The following SLC7A6 variants were observed in gnomAD, a reference collection of about 807,000 sequenced individuals.
SLC7A6 encodes the protein Y+L amino acid transporter 2.
In SLC7A6, 29 loss-of-function variants were observed where a neutral mutation model predicts 46.6. The observed-to-expected ratio is 0.62, with a 90% CI of 0.46 to 0.85. The LOEUF (loss-of-function observed/expected upper bound fraction) is 0.85. Among genes scored for constraint, SLC7A6 ranks in the 40% least tolerant of loss-of-function variants. The pLI is 0.00. For synonymous variants in SLC7A6, 276 were observed against 257.3 expected, an observed-to-expected ratio of 1.07 and a Z score of -0.70; for missense variants, 527 against 647.6, an observed-to-expected ratio of 0.81 and a Z score of 2.02.
chr16:68,276,006 G>A (rs1468513239), intron 3 of SLC7A6, among the ~76,000 whole-genome samples: 1 of 152,204 alleles, frequency 6.6e-6, no homozygotes, highest in Non-Finnish European at 1.5e-5. Context: ...AAAGTCATCA[G>A]TGAGAAAGTA....
At chr16:68,278,071 C>G (rs2042748906) in intron 3 of SLC7A6, among the ~76,000 whole-genome samples, 1 of 152,128 alleles carries the variant, frequency 6.6e-6, no homozygotes, top group Admixed American at 6.5e-5. Flanking sequence ...ATTCTCCTGC[C>G]TCAGCCTCCC....
chr16:68,290,373 C>T (rs766462848), intron 4 of SLC7A6, 23 bp from the exon 5 acceptor site: 3 of 1,613,576 alleles, frequency 1.9e-6, no homozygotes, highest in Non-Finnish European at 2.5e-6. Context: ...CTCTGAACCC[C>T]TCACCTGCCT....
At chr16:68,290,227 CCTT>C (rs1016074673) in intron 4 of SLC7A6, 166 bp from the exon 5 acceptor site, 8 of 630,934 alleles carry the variant, frequency 1.3e-5, no homozygotes, top group South Asian at 5.1e-5. Flanking sequence ...CTTTCCCCTG[CCTT>C]CTTGTTTTTT....
In SLC7A6 at chr16:68,297,557, G is replaced by T; in HGVS notation, c.*229G>T. On this transcript the variant is annotated 3_prime_UTR_variant, in exon 11 of 11. Transcript: ENST00000219343. The stretch of plus-strand genomic sequence containing the variant: ...GTGGGGGGAAGATTGGGGAACGGGG[G>T]GAATGGTCATTTAGTTTTACTCCTG... 1 of 406,534 alleles carries T rather than the reference G, an allele frequency of 2.5e-6. No homozygotes were observed. The allele number at this position is 406,534 out of a possible 1,614,324, so 25.2% of individuals were successfully genotyped here.
At position 68,274,903 on chromosome 16, in the gene SLC7A6, C is replaced by T. The variant is rs147251962; in HGVS notation, c.177C>T (p.Ile59=). The change falls in exon 3 of 11, where the codon ATC becomes ATT. Residue 59 remains isoleucine, a synonymous_variant. Transcript: ENST00000219343. ...TCAGCCTGGTGGTGGGCAACATGAT[C>T]GGCTCAGGGATCTTTGTCTCACCCA... ...NGVSLVVGNM[I]GSGIFVSPKG... is the part of the protein sequence containing the mutation. 118 of 1,614,160 alleles carry T rather than the reference C, an allele frequency of 7.3e-5. No individual in the cohort carries two copies. The East Asian group carries it at 8.5e-4, about 12-fold the overall frequency.
chr16:68,282,512 A>T (rs2042846688), intron 3 of SLC7A6, among the ~76,000 whole-genome samples: 1 of 152,174 alleles, frequency 6.6e-6, no homozygotes, highest in African/African-American at 2.4e-5. Context: ...TGATTCTGGG[A>T]TCCCCATTTG....
In SLC7A6 at chr16:68,287,987, A is replaced by C. The variant is rs996747144; in HGVS notation, c.649+116A>C. The C allele has an allele frequency of 5.7e-6, 8 of 1,411,660 alleles. No homozygotes were observed. The Admixed American group carries it at 1.6e-4, about 29-fold the overall frequency. The allele number at this position is 1,411,660 out of a possible 1,614,324, so 87.4% of individuals were successfully genotyped here. On this transcript the variant is annotated intron_variant, in intron 4 of 10. Coordinates refer to ENST00000219343, the MANE Select transcript of SLC7A6 (RefSeq NM_003983.6). ...TTCTATGTACATGCTAGCATGTGTCAGTGAGTGCAAGAGATGGGAGTAGAT... is the reference window on the plus strand; with the variant it reads ...TTCTATGTACATGCTAGCATGTGTCCGTGAGTGCAAGAGATGGGAGTAGAT...
chr16:68,298,745 A>ATG lies in SLC7A6; in HGVS notation c.*1417_*1418insTG, dbSNP rs2043218157. On this transcript the variant is annotated 3_prime_UTR_variant, in exon 11 of 11. Coordinates refer to ENST00000219343, the MANE Select transcript of SLC7A6 (RefSeq NM_003983.6). Reference sequence around the variant, plus strand: ...GTGCTCAGGCTGGGCTCTCCACCCAAGTTAGGCCTGCTCTGGCCTAATGGA... The same window carrying ATG: ...GTGCTCAGGCTGGGCTCTCCACCCAATGGTTAGGCCTGCTCTGGCCTAATGGA... 6.6e-6 allele frequency: 1 copy of ATG among 152,266 alleles called. No individual in the cohort carries two copies. Among genetic ancestry groups the ATG allele is most frequent in the Non-Finnish European group, 1.5e-5 (1 of 68,086 alleles). 9.4% of individuals were successfully genotyped at this position (152,266 alleles called of 1,614,324 possible). A position where few individuals can be genotyped will look rare whatever the true frequency, so the allele number is the denominator to read the frequency against.
chr16:68,281,284 G>A (rs1279295027), intron 3 of SLC7A6, among the ~76,000 whole-genome samples: 1 of 152,204 alleles, frequency 6.6e-6, no homozygotes, highest in Non-Finnish European at 1.5e-5. Flanking sequence ...TCCTAGAACA[G>A]TGGTTCTCAG....
chr16:68,290,255 C>T, intron 4 of SLC7A6, 141 bp from the exon 5 acceptor site: 5 of 815,774 alleles, frequency 6.1e-6, no homozygotes, highest in South Asian at 4.4e-5. Context: ...CTTGTTCCTC[C>T]CCATTCCTCC....
intron 3 of SLC7A6, among the ~76,000 whole-genome samples, chr16:68,284,975 G>T (rs1453573072): frequency 6.7e-6 from 1 of 149,038 alleles, no homozygotes; most frequent in Non-Finnish European, 1.5e-5. Context: ...GGGTTCGGCA[G>T]TTCTCCCACC....
Position 68,264,944 on chromosome 16 carries a change from C to T in SLC7A6, c.-166+368C>T, listed in dbSNP as rs192319900. On this transcript the variant is annotated intron_variant, in intron 1 of 10. Transcript: ENST00000219343. The surrounding 1 kb of genome is among the most constrained non-coding windows in gnomAD (Gnocchi z 5.8). ...CCCAGGTGCGAGGGTGACCGGGACG[C>T]TGAGTGCGCGGGCCGCGCCGCGAGC... 4.0e-5 allele frequency among the ~76,000 whole-genome samples: 6 copies of T among 150,990 alleles called. No individual in the cohort carries two copies. Among genetic ancestry groups the T allele is most frequent in the Admixed American group, 1.3e-4 (2 of 15,212 alleles).
Position 68,275,008 on chromosome 16 carries a change from T to C in SLC7A6, c.282T>C (p.Gly94=). ...TTGGTGGGCTCTTCTCTGTTGTGGG[T>C]GCCCTTTGTTATGCAGAGCTGGGGA... ...WAIGGLFSVV[G]ALCYAELGTT... is the part of the protein sequence containing the mutation. The change falls in exon 3 of 11, where the codon GGT becomes GGC. Residue 94 remains glycine, a synonymous_variant. Transcript: ENST00000219343. 2 of 1,614,174 alleles carry C rather than the reference T, an allele frequency of 1.2e-6. No individual in the cohort carries two copies. Among genetic ancestry groups the C allele is most frequent in the Non-Finnish European group, 1.7e-6 (2 of 1,180,032 alleles).
At chr16:68,279,066 C>A (rs892889921) in intron 3 of SLC7A6, among the ~76,000 whole-genome samples, 4 of 152,028 alleles carry the variant, frequency 2.6e-5, no homozygotes, top group Admixed American at 6.6e-5. Flanking sequence ...GGCATGGTAG[C>A]TCATGGCTTT....
intron 3 of SLC7A6, among the ~76,000 whole-genome samples, chr16:68,276,191 C>T (rs1027199701): frequency 2.6e-5 from 4 of 152,198 alleles, no homozygotes; most frequent in East Asian, 1.9e-4. Context: ...GCTCTGCCTG[C>T]GGCCACATTT....
chr16:68,286,235 A>C (rs1280246312), intron 3 of SLC7A6, among the ~76,000 whole-genome samples: 1 of 152,104 alleles, frequency 6.6e-6, no homozygotes, highest in Admixed American at 6.5e-5. Flanking sequence ...ACATGATGAT[A>C]GCATAGACAC....
In SLC7A6 at chr16:68,300,716, C is replaced by T. The variant is rs186630157; in HGVS notation, c.*3388C>T. 2.4e-5 allele frequency: 24 copies of T among 985,484 alleles called. No individual in the cohort carries two copies. The highest frequency in any genetic ancestry group is 1.8e-4 in the Admixed American group (3 of 16,286). 61.0% of individuals were successfully genotyped at this position (985,484 alleles called of 1,614,324 possible). A position where few individuals can be genotyped will look rare whatever the true frequency, so the allele number is the denominator to read the frequency against. ...GGAAGTCAGTCAGTAATTTCACAACCGTTATCAGAGTTTGGAAGCAGAAAT... is the reference window on the plus strand; with the variant it reads ...GGAAGTCAGTCAGTAATTTCACAACTGTTATCAGAGTTTGGAAGCAGAAAT... On this transcript the variant is annotated 3_prime_UTR_variant, in exon 11 of 11. Transcript: ENST00000219343.
rs369041629 is a variant in SLC7A6, at chr16:68,294,711, C to T, written c.1029C>T (p.Phe343=). Residue 343 remains phenylalanine, a synonymous_variant, in exon 8 of 11, where the codon TTC becomes TTT. Transcript: ENST00000219343. ...NASIFASSRL[F]FVGSREGHLP... Reference sequence around the variant, plus strand: ...ACATTTCTCATCCTTCTAGGTTGTTCTTCGTGGGCTCCCGGGAGGGCCACC... The same window carrying T: ...ACATTTCTCATCCTTCTAGGTTGTTTTTCGTGGGCTCCCGGGAGGGCCACC... 8 of 1,612,224 alleles carry T rather than the reference C, an allele frequency of 5.0e-6. No individual in the cohort carries two copies. Among genetic ancestry groups the T allele is most frequent in the Non-Finnish European group, 5.1e-6 (6 of 1,178,338 alleles).
chr16:68,301,084 G>A lies in SLC7A6; in HGVS notation c.*3756G>A, dbSNP rs1323959792. The A allele has an allele frequency of 3.1e-6, 4 of 1,290,230 alleles. No homozygotes were observed. The highest frequency in any genetic ancestry group is 2.6e-5 in the South Asian group (1 of 38,668). 79.9% of individuals were successfully genotyped at this position (1,290,230 alleles called of 1,614,324 possible). A position where few individuals can be genotyped will look rare whatever the true frequency, so the allele number is the denominator to read the frequency against. The stretch of plus-strand genomic sequence containing the variant: ...TTGATTGAGGCAAAGGGGTCCTACT[G>A]TAAGTGGAAAAGACTCACTCCCCTA... On this transcript the variant is annotated 3_prime_UTR_variant, in exon 11 of 11. Transcript: ENST00000219343.
Sources: allele counts gnomAD v4.1 joint callset (sites outside exome capture counted in the v4.1 genomes callset), GRCh38; gene constraint gnomAD v4.1.1; non-coding constraint Gnocchi (gnomAD v3.1); transcripts MANE v1.5; gene names NCBI Gene and HGNC (gene_info 2026-07-23, HGNC 2026-07-21).